Variants in CBR4 observed in about 807,000 individuals in gnomAD.
CBR4 encodes the protein carbonyl reductase 4, also known as 3-oxoacyl-[acyl-carrier-protein] reductase.
A neutral mutation model predicts 21.0 loss-of-function variants in CBR4; 22 were observed. The observed-to-expected ratio is 1.05, with a 90% CI of 0.75 to 1.50. CBR4 has a LOEUF of 1.50. CBR4 is among the 40% of genes most tolerant of loss of function. CBR4 has a pLI of 0.00. For synonymous variants in CBR4, 100 were observed against 104.4 expected (o/e 0.96, Z 0.26); for missense variants, 302 against 286.3 (o/e 1.05, Z -0.40).
At chr4:168,998,864 A>G (rs1292245217) in intron 4 of CBR4, among the ~76,000 whole-genome samples, 1 of 152,176 alleles carries the variant, frequency 6.6e-6, no homozygotes, top group Non-Finnish European at 1.5e-5. Flanking sequence ...ATTGGCTTAT[A>G]TATGAAATAC....
chr4:169,002,207 TAGGAC>T lies in CBR4; in HGVS notation c.401-7_401-3del. On this transcript the variant is annotated splice_region_variant and splice_polypyrimidine_tract_variant and intron_variant, in intron 3 of 4. Coordinates refer to ENST00000306193, the MANE Select transcript of CBR4 (RefSeq NM_032783.5). ...TGCCTTTTAAGCCAACAATGCTTCCTAGGACAAAAAAAAAAAAAAAAAAAAAAAAA... is the reference window on the plus strand; with the variant it reads ...TGCCTTTTAAGCCAACAATGCTTCCTAAAAAAAAAAAAAAAAAAAAAAAAA... 9.5e-7 allele frequency: 1 copy of T among 1,053,684 alleles called. No individual in the cohort carries two copies. The highest frequency in any genetic ancestry group is 3.0e-5 in the South Asian group (1 of 33,594). 65.3% of individuals were successfully genotyped at this position (1,053,684 alleles called of 1,614,324 possible).
chr4:168,971,527 A>G (rs1764210248), intron 2 of CBR4, among the ~76,000 whole-genome samples: 1 of 143,960 alleles, frequency 6.9e-6, no homozygotes. Flanking sequence ...CAAGCGATCC[A>G]CCAGCCTTGG....
chr4:168,980,918 T>C (rs1035076715), intron 2 of CBR4, among the ~76,000 whole-genome samples: 11 of 152,050 alleles, frequency 7.2e-5, no homozygotes, highest in Admixed American at 3.9e-4. Context: ...TATTTACAAA[T>C]GACCACACTA....
At chr4:168,938,833 C>T (rs908136689) in intron 2 of CBR4, among the ~76,000 whole-genome samples, 28 of 152,174 alleles carry the variant, frequency 1.8e-4, no homozygotes, top group Admixed American at 2.6e-4. Flanking sequence ...AAGTCCAGGA[C>T]TAGACGGATT....
intron 3 of CBR4, chr4:169,006,039 T>C: frequency 1.9e-6 from 1 of 513,190 alleles, no homozygotes; most frequent in Non-Finnish European, 3.4e-6. Flanking sequence ...ACTCCACAGC[T>C]TATCTGCCCT....
At chr4:168,944,506 A>G (rs1763350064) in intron 2 of CBR4, among the ~76,000 whole-genome samples, 1 of 151,932 alleles carries the variant, frequency 6.6e-6, no homozygotes, top group Admixed American at 6.6e-5. Flanking sequence ...ATTTAAAAAA[A>G]AGAGAGAAAA....
chr4:168,953,193 T>G (rs192344788), intron 2 of CBR4, among the ~76,000 whole-genome samples: 2 of 152,132 alleles, frequency 1.3e-5, no homozygotes, highest in African/African-American at 4.8e-5. Flanking sequence ...GTCAGCGAAG[T>G]GAGGGAAAGG....
At chr4:168,961,086 T>A (rs1250609202) in intron 2 of CBR4, among the ~76,000 whole-genome samples, 1 of 152,176 alleles carries the variant, frequency 6.6e-6, no homozygotes, top group African/African-American at 2.4e-5. Context: ...GGTAACAGCA[T>A]AAAAGCAGCA....
At chr4:168,978,178 A>C (rs1434125538) in intron 2 of CBR4, among the ~76,000 whole-genome samples, 1 of 151,984 alleles carries the variant, frequency 6.6e-6, no homozygotes, top group Non-Finnish European at 1.5e-5. Flanking sequence ...TCAATTCCTG[A>C]CTCACAATGT....
chr4:168,987,307 C>G (rs930753772), downstream of CBR4, among the ~76,000 whole-genome samples: 1 of 152,180 alleles, frequency 6.6e-6, no homozygotes, highest in African/African-American at 2.4e-5. Context: ...AGAGTCAGAA[C>G]AGATTTATCT....
rs185016916 is a variant in CBR4, at chr4:168,979,590, T to C, written n.169+22481A>G. ...GGTACGGCCCTAGCTGCCCTTGGGC[T>C]GCAGAACGAACAAAGAGCCTGGTTG... On this transcript the variant is annotated intron_variant and non_coding_transcript_variant, in intron 2 of 3. Transcript: ENST00000509108. 8.0e-3 allele frequency among the ~76,000 whole-genome samples: 1,212 copies of C among 152,236 alleles called. 12 individuals carry two copies. The highest frequency in any genetic ancestry group is 0.028 in the African/African-American group (1,164 of 41,546).
chr4:168,947,253 T>G (rs893283491), intron 2 of CBR4, among the ~76,000 whole-genome samples: 1 of 152,140 alleles, frequency 6.6e-6, no homozygotes, highest in South Asian at 2.1e-4. Context: ...AAAAATTCCT[T>G]CCCATCACTT....
chr4:168,983,858 T>C (rs544871893), downstream of CBR4, among the ~76,000 whole-genome samples: 98 of 151,970 alleles, frequency 6.4e-4, 1 homozygote, highest in South Asian at 0.02. Flanking sequence ...AAATTCAACA[T>C]CTCTTCATCT....
intron 2 of CBR4, among the ~76,000 whole-genome samples, chr4:168,977,982 A>G (rs1421372105): frequency 6.6e-6 from 1 of 152,062 alleles, no homozygotes; most frequent in Non-Finnish European, 1.5e-5. Flanking sequence ...GCCCCTTTCA[A>G]CCTTTTCTCC....
chr4:169,006,631 CCT>C (rs1730930668), intron 3 of CBR4, 122 bp downstream of exon 3: 1 of 908,448 alleles, frequency 1.1e-6, no homozygotes, highest in Non-Finnish European at 1.7e-6. Context: ...TTAATTAAAT[CCT>C]TTTTTCCACA....
At chr4:168,979,211 C>G (rs1041817654) in intron 2 of CBR4, among the ~76,000 whole-genome samples, 19 of 151,528 alleles carry the variant, frequency 1.3e-4, no homozygotes, top group African/African-American at 4.6e-4. Context: ...ACTGAGCTCT[C>G]AGCTGGTAGT....
At chr4:168,994,035 C>T (rs1250206850) in intron 4 of CBR4, among the ~76,000 whole-genome samples, 4 of 152,200 alleles carry the variant, frequency 2.6e-5, no homozygotes, top group African/African-American at 9.7e-5. Context: ...ATTAAAGACA[C>T]ACACAGAAAT....
intron 2 of CBR4, among the ~76,000 whole-genome samples, chr4:168,969,580 T>C (rs1376714153): frequency 6.6e-6 from 1 of 152,096 alleles, no homozygotes; most frequent in Non-Finnish European, 1.5e-5. Flanking sequence ...AAAGCATGAG[T>C]GGGACTCAAC....
intron 2 of CBR4, among the ~76,000 whole-genome samples, chr4:168,954,519 C>T (rs1377872863): frequency 6.6e-6 from 1 of 152,144 alleles, no homozygotes; most frequent in Non-Finnish European, 1.5e-5. Flanking sequence ...AAAAGTACCA[C>T]CTCTAATACT....
Sources: allele counts gnomAD v4.1 joint callset (sites outside exome capture counted in the v4.1 genomes callset), GRCh38; gene constraint gnomAD v4.1.1; transcripts MANE v1.5; gene names NCBI Gene and HGNC (gene_info 2026-07-23, HGNC 2026-07-21).